TTLL8: variants seen among roughly 807,000 people sequenced by gnomAD.
TTLL8 encodes protein monoglycylase TTLL8.
Under a neutral mutation model 77.8 loss-of-function variants are expected in TTLL8, and 65 were observed. That is an observed-to-expected ratio of 0.84 (90% CI 0.68 to 1.03). TTLL8 has a LOEUF of 1.03. TTLL8 is among the 50% of genes least tolerant of loss of function. TTLL8 has a pLI of 0.00. For synonymous variants in TTLL8, 402 were observed against 422.8 expected (o/e 0.95, Z 0.60); for missense variants, 910 against 1,004.5 (o/e 0.91, Z 1.27).
rs183839910 is a variant in TTLL8, at chr22:50,030,172, T to C, written c.2203+258A>G. On this transcript the variant is annotated intron_variant, in intron 12 of 13. Coordinates refer to ENST00000266182, the Ensembl canonical transcript of TTLL8. ...GGGGACAAAGGCGTCACCCGCCAGG[T>C]TCTACAGAGGGGACCCCACCATCCA... 133 of 984,970 alleles carry C rather than the reference T, an allele frequency of 1.4e-4. 4 individuals carry two copies. The East Asian group carries it at 0.014, about 101-fold the overall frequency. The allele number at this position is 984,970 out of a possible 1,614,324, so 61.0% of individuals were successfully genotyped here. A position where few individuals can be genotyped will look rare whatever the true frequency, so the allele number is the denominator to read the frequency against.
In TTLL8 at chr22:50,041,026, T is replaced by C. The variant is rs2061367049; in HGVS notation, c.921+161A>G. Among the ~76,000 whole-genome samples, 1 of 152,064 alleles carries C rather than the reference T, an allele frequency of 6.6e-6. No homozygotes were observed. Among genetic ancestry groups the C allele is most frequent in the Admixed American group, 6.5e-5 (1 of 15,274 alleles). ...CAGGAGCTCTGGGCCCAGGCATACA[T>C]CTGCCAGTCATTCACCAGCTGCCAA... On this transcript the variant is annotated intron_variant, in intron 8 of 13. Coordinates refer to ENST00000266182, the Ensembl canonical transcript of TTLL8. This position sits in a 1 kb window ranked among gnomAD's most constrained non-coding sequence, Gnocchi z 4.3.
intron 3 of TTLL8, 74 bp downstream of exon 5, chr22:50,049,175 G>C: frequency 7.4e-7 from 1 of 1,360,274 alleles, no homozygotes; most frequent in South Asian, 1.1e-5. Flanking sequence ...TGGGAGAGTG[G>C]GCACGGAGCA....
intron 2 of TTLL8, among the ~76,000 whole-genome samples, chr22:50,049,633 TG>T (rs1429182343): frequency 6.6e-6 from 1 of 150,862 alleles, no homozygotes; most frequent in African/African-American, 2.4e-5. Context: ...CAGCCCGGGA[TG>T]GGGGTGGGAG....
At chr22:50,049,639 T>G (rs2061432832) in intron 2 of TTLL8, among the ~76,000 whole-genome samples, 2 of 147,938 alleles carry the variant, frequency 1.4e-5, no homozygotes, top group East Asian at 2.0e-4. Flanking sequence ...GGGATGGGGG[T>G]GGGAGTGATA....
chr22:50,019,134 A>C (rs929168142), intron 12 of TTLL8, among the ~76,000 whole-genome samples: 1 of 152,206 alleles, frequency 6.6e-6, no homozygotes, highest in African/African-American at 2.4e-5. Flanking sequence ...GACTTCCTTC[A>C]CTTTAGATTT....
chr22:50,043,393 CG>C (rs1569230131), intron 6 of TTLL8, among the ~76,000 whole-genome samples: 56 of 65,614 alleles, frequency 8.5e-4, no homozygotes, highest in Non-Finnish European at 1.4e-3. Flanking sequence ...ACAGTGGTGC[CG>C]AGACGTCCTT....
At chr22:50,056,743 G>T, upstream of TTLL8, 1 of 1,274,618 alleles carries the variant, frequency 7.8e-7, no homozygotes, top group Admixed American at 2.4e-5. The surrounding 1 kb of genome is among the most constrained non-coding windows in gnomAD (Gnocchi z 4.1). Flanking sequence ...GCCTGGTTCT[G>T]CAGCTCAGTG....
At chr22:50,024,173 G>C (rs191687835) in intron 12 of TTLL8, among the ~76,000 whole-genome samples, 1 of 152,322 alleles carries the variant, frequency 6.6e-6, no homozygotes, top group African/African-American at 2.4e-5. Context: ...GTCTCTCTCT[G>C]TCAACCAGGC....
chr22:50,055,489 A>G (rs1232119922), upstream of TTLL8, among the ~76,000 whole-genome samples: 3 of 151,978 alleles, frequency 2.0e-5, no homozygotes. Flanking sequence ...CCCTGTCTCT[A>G]CTAAAAATAC....
chr22:50,057,987 G>GGTAA (rs2061494346), upstream of TTLL8, among the ~76,000 whole-genome samples: 1 of 151,896 alleles, frequency 6.6e-6, no homozygotes, highest in Admixed American at 6.6e-5. Context: ...GGATTCCTAG[G>GGTAA]GTAAGGGGTC....
At chr22:50,051,620 C>T (rs1357824876) in intron 1 of TTLL8, among the ~76,000 whole-genome samples, 2 of 152,178 alleles carry the variant, frequency 1.3e-5, no homozygotes, top group African/African-American at 4.8e-5. Context: ...ACGCTGTTTT[C>T]CACAGTGGTT....
chr22:50,047,087 A>C, intron 4 of TTLL8, 81 bp downstream of exon 6: 1 of 1,314,248 alleles, frequency 7.6e-7, no homozygotes, highest in South Asian at 1.2e-5. Context: ...CTGACCAGCC[A>C]CCGAGGGTCC....
chr22:50,022,387 A>G (rs1216907830), intron 12 of TTLL8, among the ~76,000 whole-genome samples: 1 of 124,662 alleles, frequency 8.0e-6, no homozygotes, highest in Middle Eastern at 7.6e-3. Flanking sequence ...TCCATCTGAC[A>G]ATGTGTACTC....
intron 12 of TTLL8, among the ~76,000 whole-genome samples, chr22:50,026,381 G>A (rs1474379142): frequency 8.7e-6 from 1 of 115,094 alleles, no homozygotes; most frequent in East Asian, 2.1e-4. Flanking sequence ...GGTCAGACAC[G>A]GAAATACACC....
intron 6 of TTLL8, among the ~76,000 whole-genome samples, chr22:50,042,452 A>G (rs1307683708): frequency 1.3e-5 from 2 of 152,194 alleles, no homozygotes; most frequent in African/African-American, 4.8e-5. Context: ...CTGGGATTAC[A>G]GGTGTGTGCC....
chr22:50,054,904 A>G (rs992502102), upstream of TTLL8, among the ~76,000 whole-genome samples: 1 of 152,048 alleles, frequency 6.6e-6, no homozygotes, highest in African/African-American at 2.4e-5. Flanking sequence ...ACTAAAAAAT[A>G]CAAAAATTAG....
In TTLL8 at chr22:50,041,312, G is replaced by A. The variant is rs775304999; in HGVS notation, c.831-35C>T. 2.0e-6 allele frequency: 1 copy of A among 510,742 alleles called. No individual in the cohort carries two copies. Among genetic ancestry groups the A allele is most frequent in the South Asian group, 1.5e-5 (1 of 65,668 alleles). 31.6% of individuals were successfully genotyped at this position (510,742 alleles called of 1,614,324 possible). ...TATCATCCTCTCAACAGTCATCAGG[G>A]TCCTGGTGGGACAGGCAACAGAGGG... On this transcript the variant is annotated intron_variant, in intron 7 of 13. Transcript: ENST00000266182. This position sits in a 1 kb window ranked among gnomAD's most constrained non-coding sequence, Gnocchi z 4.3.
At chr22:50,036,523 G>A (rs1340843087) in intron 8 of TTLL8, among the ~76,000 whole-genome samples, 4 of 152,094 alleles carry the variant, frequency 2.6e-5, no homozygotes, top group Non-Finnish European at 5.9e-5. Flanking sequence ...TGCAGACAGG[G>A]CTGCCCTGTT....
At chr22:50,027,260 G>A (rs1036329098) in intron 12 of TTLL8, among the ~76,000 whole-genome samples, 5 of 149,912 alleles carry the variant, frequency 3.3e-5, no homozygotes, top group Admixed American at 1.3e-4. Context: ...TCTGCTGGGC[G>A]TGGTGGCTCA....
Sources: gnomAD v4.1 joint callset for allele counts (sites outside exome capture counted in the v4.1 genomes callset) on GRCh38, gnomAD v4.1.1 for gene constraint, Gnocchi (gnomAD v3.1) non-coding constraint, MANE v1.5 for transcripts, NCBI Gene and HGNC (gene_info 2026-07-23, HGNC 2026-07-21) for gene names.